Variants in MIGA2 observed in about 807,000 individuals in gnomAD.
MIGA2 encodes the protein mitoguardin 2.
In MIGA2, 36 loss-of-function variants were observed where a neutral mutation model predicts 69.9. The ratio of observed to expected loss-of-function variants is 0.52; its 90% confidence interval spans 0.39 to 0.68. The LOEUF is 0.68. Ranked by LOEUF, MIGA2 falls within the 30% of genes least tolerant of loss-of-function variation. The probability of loss-of-function intolerance (pLI) is 0.00; values close to 1 mark genes in which losing one functional copy is unlikely to be tolerated. For synonymous variants in MIGA2, 333 were observed against 349.2 expected (o/e 0.95, Z 0.52); for missense variants, 660 against 787.7 (o/e 0.84, Z 1.94).
In MIGA2 at chr9:129,071,749, C is replaced by T. The variant is rs1252648701; in HGVS notation, c.*1296C>T. 1 of 152,414 alleles carries T rather than the reference C, an allele frequency of 6.6e-6. No homozygotes were observed. The allele number at this position is 152,414 out of a possible 1,614,324, so 9.4% of individuals were successfully genotyped here. On this transcript the variant is annotated 3_prime_UTR_variant, in exon 16 of 16. Coordinates refer to ENST00000684074, the MANE Select transcript of MIGA2 (RefSeq NM_001329990.2). Reference sequence around the variant, plus strand: ...CGGATCCATGGGCACTAACCCGCCTCCCAGGCTGATGCCCGGAGGCAGCTT... The same window carrying T: ...CGGATCCATGGGCACTAACCCGCCTTCCAGGCTGATGCCCGGAGGCAGCTT...
chr9:129,062,824 A>C (rs1205480147), intron 9 of MIGA2, among the ~76,000 whole-genome samples: 1 of 152,020 alleles, frequency 6.6e-6, no homozygotes, highest in Non-Finnish European at 1.5e-5. Flanking sequence ...AACCTGAGTG[A>C]CAGAACGAGA....
At chr9:129,053,958 A>C (rs1049701021) in intron 6 of MIGA2, among the ~76,000 whole-genome samples, 1 of 151,818 alleles carries the variant, frequency 6.6e-6, no homozygotes, top group Non-Finnish European at 1.5e-5. Context: ...TGGGAGGATC[A>C]CCTGAGCCCA....
intron 6 of MIGA2, among the ~76,000 whole-genome samples, chr9:129,054,835 T>G (rs139680785): frequency 3.3e-4 from 51 of 152,352 alleles, no homozygotes; most frequent in African/African-American, 1.2e-3. Flanking sequence ...GACATATGTT[T>G]TCATTTCTCT....
intron 1 of MIGA2, among the ~76,000 whole-genome samples, chr9:129,038,039 C>G (rs546517007): frequency 7.2e-5 from 11 of 152,268 alleles, no homozygotes; most frequent in African/African-American, 9.6e-5. Flanking sequence ...TAGCTGCTGG[C>G]CCTCTGATGT....
Position 129,070,467 on chromosome 9 carries a change from T to TGGGGGG in MIGA2, c.*15_*20dup. Reference sequence around the variant, plus strand: ...GAGCTGCAGTAGAGGCGGCACGGGCTGGGGGGTGGCAGAGAGAAGGCTCCT... The same window carrying TGGGGGG: ...GAGCTGCAGTAGAGGCGGCACGGGCTGGGGGGGGGGGGTGGCAGAGAGAAGGCTCCT... On this transcript the variant is annotated 3_prime_UTR_variant, in exon 16 of 16. Coordinates refer to ENST00000684074, the MANE Select transcript of MIGA2 (RefSeq NM_001329990.2). The TGGGGGG allele has an allele frequency of 6.5e-7, 1 of 1,528,394 alleles. No individual in the cohort carries two copies. The highest frequency in any genetic ancestry group is 1.4e-5 in the African/African-American group (1 of 72,990). 94.7% of individuals were successfully genotyped at this position (1,528,394 alleles called of 1,614,324 possible).
chr9:129,049,316 CAG>C, intron 4 of MIGA2, 63 bp from the exon 5 acceptor site: 2 of 1,515,574 alleles, frequency 1.3e-6, no homozygotes, highest in African/African-American at 1.4e-5. Flanking sequence ...GAGGAGGGCT[CAG>C]GGGGGCCCTG....
At chr9:129,055,230 A>G (rs929817741) in intron 6 of MIGA2, among the ~76,000 whole-genome samples, 1 of 151,846 alleles carries the variant, frequency 6.6e-6, no homozygotes, top group African/African-American at 2.4e-5. Context: ...GGTGCCAGCC[A>G]CTATGCCCAG....
chr9:129,067,623 G>A (rs1435639060), intron 11 of MIGA2, 150 bp from the exon 12 acceptor site: 10 of 673,756 alleles, frequency 1.5e-5, no homozygotes, highest in African/African-American at 1.3e-4. Context: ...CTGCTGTGCT[G>A]AGTAGGAGAC....
At chr9:129,053,972 G>C (rs1376469911) in intron 6 of MIGA2, among the ~76,000 whole-genome samples, 1 of 152,156 alleles carries the variant, frequency 6.6e-6, no homozygotes, top group Non-Finnish European at 1.5e-5. Flanking sequence ...GAGCCCAGGA[G>C]TTCAAGGCTG....
chr9:129,070,223 C>G, intron 15 of MIGA2, 24 bp from the exon 16 acceptor site: 1 of 1,604,642 alleles, frequency 6.2e-7, no homozygotes, highest in Non-Finnish European at 8.5e-7. Flanking sequence ...TGGGCCAGGC[C>G]TGACACCAGC....
chr9:129,063,933 C>G (rs1846202560), intron 11 of MIGA2, among the ~76,000 whole-genome samples: 2 of 152,186 alleles, frequency 1.3e-5, no homozygotes, highest in African/African-American at 4.8e-5. Context: ...CACACGAGGC[C>G]TCCATTCCCT....
Position 129,069,212 on chromosome 9 carries a change from G to A in MIGA2, c.1458+83G>A, listed in dbSNP as rs981504688. ...GAGCGGAGCGGGTGCAGGGTGGCTC[G>A]CTGGGCCACTTGGCCTTCACCGCTC... On this transcript the variant is annotated intron_variant, in intron 14 of 15. Transcript: ENST00000684074. This position sits in a 1 kb window ranked among gnomAD's most constrained non-coding sequence, Gnocchi z 4.9. The A allele has an allele frequency of 1.1e-5, 17 of 1,551,738 alleles. No individual in the cohort carries two copies. The highest frequency in any genetic ancestry group is 9.5e-5 in the African/African-American group (7 of 73,694).
intron 11 of MIGA2, 106 bp from the exon 12 acceptor site, chr9:129,067,667 G>A (rs1846432075): frequency 3.4e-5 from 33 of 962,848 alleles, no homozygotes; most frequent in Middle Eastern, 3.1e-4. Context: ...TGCCTGCTGC[G>A]TGGGGATGGG....
At chr9:129,062,715 G>A (rs1205364378) in intron 9 of MIGA2, among the ~76,000 whole-genome samples, 2 of 148,356 alleles carry the variant, frequency 1.3e-5, no homozygotes, top group Non-Finnish European at 1.5e-5. Context: ...GTGGTGGTAC[G>A]TGGCTGTAGT....
chr9:129,057,182 G>T (rs576505951), intron 6 of MIGA2, among the ~76,000 whole-genome samples: 6 of 152,178 alleles, frequency 3.9e-5, no homozygotes, highest in Non-Finnish European at 5.9e-5. Context: ...TTTTTTTCCA[G>T]AATAGGGCAC....
intron 9 of MIGA2, 61 bp from the exon 10 acceptor site, chr9:129,063,183 A>AC (rs1252343448): frequency 3.8e-6 from 6 of 1,579,006 alleles, no homozygotes; most frequent in African/African-American, 1.3e-5. Flanking sequence ...GTGCCACCTG[A>AC]CCCCCCGGGG....
intron 9 of MIGA2, 110 bp from the exon 10 acceptor site, chr9:129,063,134 G>A: frequency 9.0e-7 from 1 of 1,108,992 alleles, no homozygotes; most frequent in Non-Finnish European, 1.3e-6. Context: ...CTGAGGCAGG[G>A]CCAGGGCTGG....
At chr9:129,049,770 C>T (rs1043126526) in intron 5 of MIGA2, 57 bp from the exon 6 acceptor site, 20 of 1,610,186 alleles carry the variant, frequency 1.2e-5, no homozygotes, top group Middle Eastern at 3.3e-4. Flanking sequence ...TCTGAGCCCC[C>T]TCTTGGGTGA....
chr9:129,042,621 C>A, intron 3 of MIGA2, 107 bp downstream of exon 3: 1 of 1,176,498 alleles, frequency 8.5e-7, no homozygotes, highest in Non-Finnish European at 1.2e-6. Flanking sequence ...GTCTTCCTGT[C>A]TCAGAGCCAA....
Sources: allele counts gnomAD v4.1 joint callset (sites outside exome capture counted in the v4.1 genomes callset), GRCh38; gene constraint gnomAD v4.1.1; non-coding constraint Gnocchi (gnomAD v3.1); transcripts MANE v1.5; gene names NCBI Gene and HGNC (gene_info 2026-07-23, HGNC 2026-07-21).